CCSER1: variants seen among roughly 807,000 people sequenced by gnomAD.
CCSER1 encodes serine-rich coiled-coil domain-containing protein 1.
A neutral mutation model predicts 82.0 loss-of-function variants in CCSER1; 41 were observed. The observed-to-expected ratio is 0.50, with a 90% CI of 0.39 to 0.65. CCSER1 has a LOEUF of 0.65. Ranked by LOEUF, CCSER1 falls within the 30% of genes least tolerant of loss-of-function variation. The pLI is 0.00. For synonymous variants in CCSER1, 414 were observed against 383.9 expected, an observed-to-expected ratio of 1.08 and a Z score of -0.92; for missense variants, 1,119 against 1,064.2, an observed-to-expected ratio of 1.05 and a Z score of -0.72.
intron 1 of CCSER1, among the ~76,000 whole-genome samples, chr4:90,135,845 ATTATC>A (rs1287458594): frequency 6.6e-6 from 1 of 152,220 alleles, no homozygotes; most frequent in African/African-American, 2.4e-5. Context: ...TCTTATTGGT[ATTATC>A]TTAAAGTATA....
At chr4:91,077,984 C>T (rs917709346) in intron 9 of CCSER1, among the ~76,000 whole-genome samples, 1 of 152,226 alleles carries the variant, frequency 6.6e-6, no homozygotes, top group Non-Finnish European at 1.5e-5. Flanking sequence ...TCAAGGAGGC[C>T]CGCCTGCCTC....
At chr4:90,563,445 C>G (rs554475989) in intron 5 of CCSER1, among the ~76,000 whole-genome samples, 29 of 152,172 alleles carry the variant, frequency 1.9e-4, no homozygotes, top group African/African-American at 7.0e-4. Flanking sequence ...GTCTTCTCCC[C>G]CATCCCTCCA....
At chr4:90,941,664 A>G (rs1466981329) in intron 9 of CCSER1, among the ~76,000 whole-genome samples, 1 of 152,148 alleles carries the variant, frequency 6.6e-6, no homozygotes, top group Non-Finnish European at 1.5e-5. Flanking sequence ...TTCAATTTTT[A>G]ATATATAATC....
intron 10 of CCSER1, among the ~76,000 whole-genome samples, chr4:91,496,014 T>G (rs924986777): frequency 7.9e-5 from 12 of 151,736 alleles, no homozygotes; most frequent in African/African-American, 2.9e-4. Context: ...GAAAGTGCAT[T>G]AAGTTGTGCT....
intron 6 of CCSER1, among the ~76,000 whole-genome samples, chr4:90,649,115 A>C (rs934669100): frequency 7.2e-5 from 11 of 152,212 alleles, no homozygotes; most frequent in African/African-American, 2.4e-4. Context: ...TTTTTCATAC[A>C]GAAGCATGTT....
intron 8 of CCSER1, among the ~76,000 whole-genome samples, chr4:90,878,378 A>G (rs1049331244): frequency 6.6e-6 from 1 of 152,168 alleles, no homozygotes; most frequent in Non-Finnish European, 1.5e-5. Context: ...AAGTCTTATT[A>G]TTTTCATCTA....
At chr4:91,205,500 A>T (rs1409390881) in intron 10 of CCSER1, among the ~76,000 whole-genome samples, 1 of 151,832 alleles carries the variant, frequency 6.6e-6, no homozygotes, top group African/African-American at 2.4e-5. Context: ...AAGAACCCTC[A>T]TCATTACCAT....
intron 7 of CCSER1, among the ~76,000 whole-genome samples, chr4:90,786,413 A>G (rs1754525806): frequency 6.6e-6 from 1 of 152,214 alleles, no homozygotes; most frequent in South Asian, 2.1e-4. Context: ...TGATTACTAA[A>G]TATCTCTTAA....
chr4:90,608,014 C>T (rs1010060554), intron 5 of CCSER1, among the ~76,000 whole-genome samples: 1 of 152,138 alleles, frequency 6.6e-6, no homozygotes, highest in African/African-American at 2.4e-5. Flanking sequence ...AATGTTGACT[C>T]CTCACATTTC....
At chr4:90,862,339 G>A (rs1765211048) in intron 8 of CCSER1, among the ~76,000 whole-genome samples, 1 of 147,452 alleles carries the variant, frequency 6.8e-6, no homozygotes, top group Non-Finnish European at 1.5e-5. Flanking sequence ...CTACCATATG[G>A]TCCCTCTTCT....
intron 1 of CCSER1, among the ~76,000 whole-genome samples, chr4:90,157,912 G>C (rs1241119767): frequency 1.3e-5 from 2 of 152,146 alleles, no homozygotes; most frequent in Non-Finnish European, 2.9e-5. Flanking sequence ...TTCCGTTGCT[G>C]GTGAGGAACT....
intron 10 of CCSER1, among the ~76,000 whole-genome samples, chr4:91,219,837 A>G (rs1339907416): frequency 6.6e-6 from 1 of 152,180 alleles, no homozygotes; most frequent in South Asian, 2.1e-4. Context: ...TCACAAACCT[A>G]TGATTGTTAG....
intron 1 of CCSER1, among the ~76,000 whole-genome samples, chr4:90,258,721 A>G (rs1030504719): frequency 3.3e-5 from 5 of 152,086 alleles, no homozygotes; most frequent in Admixed American, 6.6e-5. Flanking sequence ...TTTTATTTCA[A>G]TAGTTTTTGG....
intron 5 of CCSER1, among the ~76,000 whole-genome samples, chr4:90,541,482 T>G (rs1776106406): frequency 6.6e-6 from 1 of 152,072 alleles, no homozygotes; most frequent in Admixed American, 6.6e-5. Flanking sequence ...CTGGAGCAAG[T>G]TACTTAACAA....
chr4:90,212,945 G>C (rs1372771002), intron 1 of CCSER1, among the ~76,000 whole-genome samples: 1 of 152,172 alleles, frequency 6.6e-6, no homozygotes. Context: ...GTAGCAGAGT[G>C]GTTAAGAGGG....
intron 1 of CCSER1, among the ~76,000 whole-genome samples, chr4:90,148,381 T>G (rs1229425848): frequency 6.6e-6 from 1 of 152,124 alleles, no homozygotes; most frequent in Admixed American, 6.6e-5. Context: ...CTCTTGAAAA[T>G]ATTCAATCAA....
At chr4:90,156,903 C>A (rs570587127) in intron 1 of CCSER1, among the ~76,000 whole-genome samples, 3 of 152,018 alleles carry the variant, frequency 2.0e-5, no homozygotes, top group Non-Finnish European at 2.9e-5. Context: ...TGTGTGAATT[C>A]GATCCTGTCA....
At chr4:90,663,881 A>G (rs747827634) in intron 6 of CCSER1, 14 of 368,898 alleles carry the variant, frequency 3.8e-5, no homozygotes, top group Non-Finnish European at 7.4e-5. Context: ...CAATTCTACA[A>G]ATAAAAATTG....
intron 5 of CCSER1, among the ~76,000 whole-genome samples, chr4:90,555,933 C>A (rs1239524408): frequency 6.6e-6 from 1 of 152,002 alleles, no homozygotes; most frequent in African/African-American, 2.4e-5. Flanking sequence ...TTTAAATATT[C>A]AAATTTATTT....
Sources: allele counts gnomAD v4.1 joint callset (sites outside exome capture counted in the v4.1 genomes callset), GRCh38; gene constraint gnomAD v4.1.1; transcripts MANE v1.5; gene names NCBI Gene and HGNC (gene_info 2026-07-23, HGNC 2026-07-21).